The following CDH13 variants were observed in gnomAD, a reference collection of about 807,000 sequenced individuals.
CDH13 encodes cadherin-13.
CDH13 carries 24 observed loss-of-function variants against 63.8 expected under a neutral mutation model. The observed-to-expected ratio is 0.38, with a 90% CI of 0.27 to 0.53. CDH13 has a LOEUF of 0.53. CDH13 is among the 20% of genes least tolerant of loss of function. CDH13 has a pLI of 0.85. For missense variants in CDH13, 1,049 were observed against 903.1 expected, an observed-to-expected ratio of 1.16 and a Z score of -2.07; for synonymous variants, 503 against 355.3, an observed-to-expected ratio of 1.42 and a Z score of -4.67.
At chr16:82,817,569 C>T (rs990227339) in intron 1 of CDH13, among the ~76,000 whole-genome samples, 14 of 152,130 alleles carry the variant, frequency 9.2e-5, no homozygotes, top group African/African-American at 3.4e-4. Context: ...TTTGGGAGGC[C>T]GAGGTGGGTG....
intron 1 of CDH13, among the ~76,000 whole-genome samples, chr16:82,696,672 A>G (rs1296256848): frequency 6.6e-6 from 1 of 152,218 alleles, no homozygotes. Flanking sequence ...TCTTCAACTC[A>G]GTTAGGTCAA....
intron 11 of CDH13, among the ~76,000 whole-genome samples, chr16:83,751,460 A>G (rs3784992): frequency 0.032 from 4,917 of 152,174 alleles, 118 homozygotes; most frequent in East Asian, 0.086. Context: ...CCCCTCCACA[A>G]AAAAGAAAGA....
At chr16:83,330,892 T>G (rs1330681263) in intron 5 of CDH13, among the ~76,000 whole-genome samples, 1 of 152,386 alleles carries the variant, frequency 6.6e-6, no homozygotes, top group South Asian at 2.1e-4. Flanking sequence ...TGCTTGAGAC[T>G]GTAAACCCTT....
intron 1 of CDH13, among the ~76,000 whole-genome samples, chr16:82,820,410 AG>A (rs1335794854): frequency 6.6e-6 from 1 of 152,204 alleles, no homozygotes; most frequent in African/African-American, 2.4e-5. Context: ...CCTTTGGGGT[AG>A]GAACTAATTT....
chr16:82,743,836 T>C (rs1597455776), intron 1 of CDH13, among the ~76,000 whole-genome samples: 1 of 152,220 alleles, frequency 6.6e-6, no homozygotes, highest in South Asian at 2.1e-4. Flanking sequence ...ATTTTATAAA[T>C]ATGACATAGA....
At chr16:82,962,911 T>C (rs1907238006) in intron 2 of CDH13, among the ~76,000 whole-genome samples, 1 of 152,132 alleles carries the variant, frequency 6.6e-6, no homozygotes, top group African/African-American at 2.4e-5. Flanking sequence ...TTAAAAAAAT[T>C]AGATTAGGGA....
intron 7 of CDH13, among the ~76,000 whole-genome samples, chr16:83,489,974 G>C (rs1039565717): frequency 3.3e-5 from 5 of 149,996 alleles, no homozygotes; most frequent in African/African-American, 1.2e-4. Flanking sequence ...TTCCAGTTCT[G>C]TCACAAACTC....
At chr16:82,957,686 A>G (rs1255029109) in intron 2 of CDH13, among the ~76,000 whole-genome samples, 1 of 152,198 alleles carries the variant, frequency 6.6e-6, no homozygotes, top group Non-Finnish European at 1.5e-5. Context: ...TTATTGTGAT[A>G]TTTACAAATT....
chr16:83,523,983 G>C (rs1000648876), intron 7 of CDH13, among the ~76,000 whole-genome samples: 8 of 152,172 alleles, frequency 5.3e-5, no homozygotes, highest in African/African-American at 1.9e-4. Context: ...AGGAGTATTT[G>C]CACCTCTCAA....
intron 4 of CDH13, among the ~76,000 whole-genome samples, chr16:83,152,755 G>A (rs1053958386): frequency 1.3e-5 from 2 of 152,150 alleles, no homozygotes; most frequent in Non-Finnish European, 2.9e-5. Flanking sequence ...CCTAACCTCT[G>A]GTCTCTCAGA....
At chr16:83,474,429 G>T (rs1464578090) in intron 6 of CDH13, among the ~76,000 whole-genome samples, 1 of 152,060 alleles carries the variant, frequency 6.6e-6, no homozygotes, top group South Asian at 2.1e-4. Flanking sequence ...CCCACACCAG[G>T]CCAGTAGAAT....
chr16:82,840,301 A>C (rs2038951071), intron 1 of CDH13, among the ~76,000 whole-genome samples: 1 of 151,778 alleles, frequency 6.6e-6, no homozygotes, highest in African/African-American at 2.4e-5. Context: ...GGAGACCAGC[A>C]TGAAGCCACC....
chr16:82,996,136 C>T (rs540052409), intron 2 of CDH13, among the ~76,000 whole-genome samples: 2 of 151,724 alleles, frequency 1.3e-5, no homozygotes, highest in African/African-American at 4.8e-5. Context: ...ATAATTCTTC[C>T]ATTTTAGGAA....
rs9888754 is a variant in CDH13, at chr16:82,982,353, T to C, written c.158-49657T>C. ...TTAGAACTGTATTAGGTTCCTATTG[T>C]TGTATTAAAAAATTACCCCAAACTT... On this transcript the variant is annotated intron_variant, in intron 2 of 13. Coordinates refer to ENST00000567109, the MANE Select transcript of CDH13 (RefSeq NM_001257.5). Among the ~76,000 whole-genome samples the C allele has an allele frequency of 9.6e-3, 1,469 of 152,344 alleles. 13 individuals carry two copies. Among genetic ancestry groups the C allele is most frequent in the African/African-American group, 0.027 (1,137 of 41,580 alleles).
At chr16:82,629,127 G>A (rs556292670) in intron 1 of CDH13, among the ~76,000 whole-genome samples, 149 of 152,294 alleles carry the variant, frequency 9.8e-4, no homozygotes, top group Admixed American at 1.2e-3. Flanking sequence ...GACAGACCAC[G>A]TGACAGGGCC....
chr16:83,071,016 G>C (rs1434243973), intron 3 of CDH13, among the ~76,000 whole-genome samples: 1 of 151,994 alleles, frequency 6.6e-6, no homozygotes, highest in Non-Finnish European at 1.5e-5. Context: ...AGTTCTCCTG[G>C]CAAAGGAAAA....
chr16:83,292,634 G>T (rs1369156420), intron 5 of CDH13, among the ~76,000 whole-genome samples: 1 of 152,056 alleles, frequency 6.6e-6, no homozygotes, highest in Non-Finnish European at 1.5e-5. Context: ...CACTAAGTAG[G>T]CAATTTCTTT....
At chr16:83,579,103 G>A (rs942013162) in intron 7 of CDH13, among the ~76,000 whole-genome samples, 3 of 152,322 alleles carry the variant, frequency 2.0e-5, no homozygotes, top group African/African-American at 7.2e-5. Context: ...AGAGAAAGTT[G>A]TCATTTGTCC....
chr16:83,596,305 A>G (rs1302377957), intron 7 of CDH13, among the ~76,000 whole-genome samples: 1 of 152,210 alleles, frequency 6.6e-6, no homozygotes, highest in Non-Finnish European at 1.5e-5. Context: ...ATTCAAGGCA[A>G]AAATCCCTCT....
Sources: gnomAD v4.1 joint callset for allele counts (sites outside exome capture counted in the v4.1 genomes callset) on GRCh38, gnomAD v4.1.1 for gene constraint, MANE v1.5 for transcripts, NCBI Gene and HGNC (gene_info 2026-07-23, HGNC 2026-07-21) for gene names.